LINGO2: variants seen among roughly 807,000 people sequenced by gnomAD.
LINGO2 encodes leucine-rich repeat and immunoglobulin-like domain-containing nogo receptor-interacting protein 2.
Under a neutral mutation model 30.6 loss-of-function variants are expected in LINGO2, and 14 were observed. That is an observed-to-expected ratio of 0.46 (90% CI 0.30 to 0.72). The LOEUF (loss-of-function observed/expected upper bound fraction) is 0.72. Among genes scored for constraint, LINGO2 ranks in the 30% least tolerant of loss-of-function variants. LINGO2 has a pLI of 0.07. For missense variants in LINGO2, 729 were observed against 751.7 expected (o/e 0.97, Z 0.35); for synonymous variants, 317 against 288.5 (o/e 1.10, Z -1.00).
At chr9:28,170,952 G>C (rs888577052) in intron 4 of LINGO2, among the ~76,000 whole-genome samples, 2 of 152,160 alleles carry the variant, frequency 1.3e-5, no homozygotes, top group Non-Finnish European at 2.9e-5. Flanking sequence ...TAAGGATTAG[G>C]ATATGGACAA....
chr9:28,050,521 C>T lies in LINGO2; in HGVS notation c.-86-38116G>A, dbSNP rs574635623. ...CAATGTTAAAATACTACAAGAGTAA[C>T]GGCAATCAAATGTAATGTGTGATCA... On this transcript the variant is annotated intron_variant, in intron 4 of 5. Coordinates refer to ENST00000379992, the Ensembl canonical transcript of LINGO2. Among the ~76,000 whole-genome samples the T allele has an allele frequency of 5.8e-4, 87 of 150,972 alleles. 7 individuals are homozygous for T. The South Asian group carries it at 9.6e-3, about 17-fold the overall frequency.
At chr9:29,084,351 C>T in the LINGO2 span, among the ~76,000 whole-genome samples, 29,981 of 151,918 alleles carry the variant, frequency 0.2, 3,094 homozygotes, top group African/African-American at 0.24. Context: ...TGTCCCATGA[C>T]TGTCTTGAAC....
the LINGO2 span, among the ~76,000 whole-genome samples, chr9:28,790,917 T>C: frequency 6.6e-6 from 1 of 152,140 alleles, no homozygotes; most frequent in South Asian, 2.1e-4. Context: ...TTGTGGATAA[T>C]GGGCAACTAC....
chr9:28,039,719 C>T (rs574856551), intron 4 of LINGO2, among the ~76,000 whole-genome samples: 1 of 152,022 alleles, frequency 6.6e-6, no homozygotes, highest in Non-Finnish European at 1.5e-5. Flanking sequence ...TGGCAAGTCT[C>T]CTGATGTCAT....
intron 1 of LINGO2, among the ~76,000 whole-genome samples, chr9:28,580,316 G>A (rs1824197036): frequency 6.6e-6 from 1 of 151,972 alleles, no homozygotes; most frequent in African/African-American, 2.4e-5. Context: ...CAATTGTCCA[G>A]CAGATAACAC....
the LINGO2 span, among the ~76,000 whole-genome samples, chr9:29,130,570 A>G: frequency 1.3e-5 from 2 of 152,204 alleles, no homozygotes; most frequent in East Asian, 1.9e-4. Context: ...ATATTAGCTC[A>G]TATGAAATCT....
chr9:28,134,230 C>T (rs1324363962), intron 4 of LINGO2, among the ~76,000 whole-genome samples: 2 of 152,100 alleles, frequency 1.3e-5, no homozygotes, highest in Admixed American at 1.3e-4. Context: ...ACCCATTTTT[C>T]ACTTAGCAGC....
intron 5 of LINGO2, among the ~76,000 whole-genome samples, chr9:27,974,705 G>A (rs933796678): frequency 6.6e-6 from 1 of 152,050 alleles, no homozygotes; most frequent in Non-Finnish European, 1.5e-5. Context: ...AACAAACAGG[G>A]AGCAGGTAAT....
the LINGO2 span, among the ~76,000 whole-genome samples, chr9:28,715,042 G>A: frequency 3.9e-5 from 6 of 152,080 alleles, no homozygotes; most frequent in African/African-American, 1.4e-4. Context: ...CTTAGAATGT[G>A]AGTCGTAGTC....
rs36216761 is a variant in LINGO2, at chr9:27,999,436, CAGAGAGAG to C, written c.-36+12911_-36+12918del. On this transcript the variant is annotated intron_variant, in intron 5 of 5. Coordinates refer to ENST00000379992, the Ensembl canonical transcript of LINGO2. ...CGACTTAATCACAGTGCCTAATCTT[CAGAGAGAG>C]AGAGAGAGAGAGAGAGAGAGAGAGA... 5.4e-3 allele frequency among the ~76,000 whole-genome samples: 769 copies of C among 143,734 alleles called. 2 individuals are homozygous for C. Among genetic ancestry groups the C allele is most frequent in the African/African-American group, 0.015 (571 of 38,750 alleles). 94.3% of individuals were successfully genotyped at this position (143,734 alleles called of 152,430 possible).
chr9:29,125,497 C>G, the LINGO2 span, among the ~76,000 whole-genome samples: 7 of 151,998 alleles, frequency 4.6e-5, no homozygotes, highest in Non-Finnish European at 1.0e-4. Flanking sequence ...AAGTCATTCC[C>G]TGACAAAATT....
intron 2 of LINGO2, among the ~76,000 whole-genome samples, chr9:28,403,883 T>C (rs1464681440): frequency 6.6e-6 from 1 of 152,268 alleles, no homozygotes; most frequent in East Asian, 1.9e-4. Flanking sequence ...TAAGATTTTT[T>C]AAATGGAATT....
the LINGO2 span, among the ~76,000 whole-genome samples, chr9:28,960,789 G>C: frequency 6.8e-6 from 1 of 146,398 alleles, no homozygotes; most frequent in South Asian, 2.2e-4. Flanking sequence ...ATAAAATAAT[G>C]GTTGCTGAGT....
chr9:28,805,244 C>T, the LINGO2 span, among the ~76,000 whole-genome samples: 49 of 152,244 alleles, frequency 3.2e-4, no homozygotes, highest in Admixed American at 5.2e-4. Context: ...GCACACATTT[C>T]CTGCAAAGGT....
At chr9:28,650,219 G>C (rs1223684794) in intron 1 of LINGO2, among the ~76,000 whole-genome samples, 1 of 152,078 alleles carries the variant, frequency 6.6e-6, no homozygotes, top group East Asian at 1.9e-4. Context: ...AACAAAAATT[G>C]TTCCAAATTG....
intron 1 of LINGO2, among the ~76,000 whole-genome samples, chr9:28,639,949 T>C (rs13285741): frequency 0.25 from 37,461 of 151,450 alleles, 4,966 homozygotes; most frequent in African/African-American, 0.34. Context: ...GTTTTTGCAG[T>C]GGCTGGTACC....
the LINGO2 span, among the ~76,000 whole-genome samples, chr9:28,765,509 T>C: frequency 1.6e-3 from 251 of 152,200 alleles, 2 homozygotes; most frequent in African/African-American, 5.7e-3. Context: ...AATAGATTAA[T>C]GCCCTCCCAA....
the LINGO2 span, among the ~76,000 whole-genome samples, chr9:28,998,082 T>C: frequency 2.0e-5 from 3 of 152,172 alleles, no homozygotes; most frequent in African/African-American, 7.2e-5. Context: ...CCTAGGTCTC[T>C]TAAATCCAAA....
At chr9:28,997,458 A>G in the LINGO2 span, among the ~76,000 whole-genome samples, 1 of 152,182 alleles carries the variant, frequency 6.6e-6, no homozygotes, top group Non-Finnish European at 1.5e-5. Flanking sequence ...TGACAAATAT[A>G]ACAGTTTGTT....
Sources: allele counts gnomAD v4.1 joint callset (sites outside exome capture counted in the v4.1 genomes callset), GRCh38; gene constraint gnomAD v4.1.1; transcripts MANE v1.5; gene names NCBI Gene and HGNC (gene_info 2026-07-23, HGNC 2026-07-21).